The following JAML variants were observed in gnomAD, a reference collection of about 807,000 sequenced individuals.
JAML encodes junction adhesion molecule like.
JAML carries 25 observed loss-of-function variants against 39.3 expected under a neutral mutation model. The observed-to-expected ratio is 0.64, with a 90% CI of 0.46 to 0.89. The LOEUF (loss-of-function observed/expected upper bound fraction) is 0.89, where lower values mean the gene tolerates loss of function less well. Ranked by LOEUF, JAML falls within the 40% of genes least tolerant of loss-of-function variation. The pLI is 0.00. For missense variants in JAML, 440 were observed against 486.9 expected, an observed-to-expected ratio of 0.90 and a Z score of 0.91; for synonymous variants, 162 against 179.2, an observed-to-expected ratio of 0.90 and a Z score of 0.77.
At chr11:118,223,954 T>C (rs902177439) in intron 1 of JAML, 1 of 152,180 alleles carries the variant, frequency 6.6e-6, no homozygotes, top group Non-Finnish European at 1.5e-5. Flanking sequence ...TAAGGACAAC[T>C]AACCACTGAG....
chr11:118,212,133 C>T (rs1949074213), intron 3 of JAML, among the ~76,000 whole-genome samples: 1 of 152,212 alleles, frequency 6.6e-6, no homozygotes, highest in Non-Finnish European at 1.5e-5. Context: ...CCATCAGCCC[C>T]TTAACTACTT....
chr11:118,203,069 GA>G, intron 6 of JAML: 1 of 476,078 alleles, frequency 2.1e-6, no homozygotes, highest in Non-Finnish European at 4.2e-6. Context: ...CACCTCCCTT[GA>G]AACCAAGTAT....
In JAML at chr11:118,210,732, T is replaced by A. The variant is rs747086029; in HGVS notation, c.199-20A>T. 1.6e-5 allele frequency: 26 copies of A among 1,603,538 alleles called. No individual in the cohort carries two copies. Among genetic ancestry groups the A allele is most frequent in the Non-Finnish European group, 2.1e-5 (24 of 1,170,560 alleles). The stretch of plus-strand genomic sequence containing the variant: ...TTCGTCCTGAAGGGCAAAACAGTGT[T>A]GGAGACAATCAAAAGAGGTGCCAGA... On this transcript the variant is annotated intron_variant, in intron 3 of 9. Coordinates refer to ENST00000356289, the MANE Select transcript of JAML (RefSeq NM_001098526.2).
chr11:118,212,789 T>C, intron 2 of JAML: 1 of 1,601,906 alleles, frequency 6.2e-7, no homozygotes, highest in Non-Finnish European at 8.5e-7. Flanking sequence ...GCTATCTGGC[T>C]CCCTCCTCCT....
At chr11:118,207,230 A>G (rs1349537186) in intron 4 of JAML, among the ~76,000 whole-genome samples, 2 of 152,246 alleles carry the variant, frequency 1.3e-5, no homozygotes, top group Non-Finnish European at 2.9e-5. Flanking sequence ...AATAATAACA[A>G]CTGAACATTC....
intron 5 of JAML, 49 bp from the exon 6 acceptor site, chr11:118,203,714 C>T (rs755813014): frequency 7.3e-6 from 11 of 1,506,496 alleles, no homozygotes; most frequent in Admixed American, 3.3e-5. Context: ...TGGAGTGGAG[C>T]GGGGAGCAGA....
In JAML at chr11:118,200,541, C is replaced by A. The variant is rs780675868; in HGVS notation, c.844G>T (p.Val282Phe). ...GGGAGCAGCAGGATTGTGGCACAGA[C>A]AATTCCCACAATGATCACCAACTGA... ...GNQLVIIVGI[V>F]CATILLLPVL... Residue 282 changes from valine (V) to phenylalanine (F), a missense_variant, in exon 7 of 10, where the codon GTC becomes TTC. Physicochemically the swap from Val to Phe is conservative, Grantham distance 50 (BLOSUM62 -1). Coordinates refer to ENST00000356289, the MANE Select transcript of JAML (RefSeq NM_001098526.2). 4 of 1,614,084 alleles carry A rather than the reference C, an allele frequency of 2.5e-6. No homozygotes were observed. Among genetic ancestry groups the A allele is most frequent in the East Asian group, 2.2e-5 (1 of 44,874 alleles).
intron 1 of JAML, among the ~76,000 whole-genome samples, chr11:118,218,533 G>C (rs758286346): frequency 3.3e-5 from 5 of 152,128 alleles, no homozygotes; most frequent in Non-Finnish European, 5.9e-5. Flanking sequence ...ATGAAGCCAA[G>C]AGCCATGCCC....
At chr11:118,212,807 C>T in intron 2 of JAML, 1 of 1,612,512 alleles carries the variant, frequency 6.2e-7, no homozygotes. Flanking sequence ...CCTATCCAGC[C>T]CCTTACACTT....
intron 6 of JAML, chr11:118,203,203 C>A: frequency 1.5e-6 from 1 of 684,418 alleles, no homozygotes; most frequent in Non-Finnish European, 2.7e-6. Flanking sequence ...CTCCCCTCCC[C>A]TTGGCCTAGC....
Position 118,212,533 on chromosome 11 carries a change from A to T in JAML, c.72T>A (p.Asn24Lys), listed in dbSNP as rs1184059714. 1.9e-6 allele frequency: 3 copies of T among 1,614,164 alleles called. No homozygotes were observed. The highest frequency in any genetic ancestry group is 3.3e-5 in the Admixed American group (2 of 60,030). ...GGACTGTTAGCTCAGGCGGGGAAAC[A>T]TTCAAGTCATTCAGGCCCAAGGAAT... ...LDYSLGLNDL[N>K]VSPPELTVHV... Residue 24 changes from asparagine (N) to lysine (K), a missense_variant, in exon 3 of 10, where the codon AAT (asparagine) becomes AAA (lysine). Coordinates refer to ENST00000356289, the MANE Select transcript of JAML (RefSeq NM_001098526.2).
intron 4 of JAML, among the ~76,000 whole-genome samples, chr11:118,209,492 A>G (rs945149375): frequency 2.0e-5 from 3 of 152,132 alleles, no homozygotes; most frequent in Non-Finnish European, 2.9e-5. Context: ...TAAAGTGCAA[A>G]GAAGAGTTAG....
At chr11:118,212,977 G>C in intron 2 of JAML, 1 of 1,613,218 alleles carries the variant, frequency 6.2e-7, no homozygotes, top group East Asian at 2.2e-5. Flanking sequence ...CTCTGAAAAG[G>C]GACCTTTTGT....
At chr11:118,212,672 T>G in intron 2 of JAML, 111 bp from the exon 3 acceptor site, 1 of 1,516,724 alleles carries the variant, frequency 6.6e-7, no homozygotes, top group Non-Finnish European at 8.8e-7. Context: ...TGATCCAACA[T>G]AGACAAAGTC....
At chr11:118,223,819 G>A (rs1273776212) in intron 1 of JAML, among the ~76,000 whole-genome samples, 1 of 152,058 alleles carries the variant, frequency 6.6e-6, no homozygotes, top group African/African-American at 2.4e-5. Flanking sequence ...TTACAGAAAA[G>A]AAATCTTCAG....
In JAML at chr11:118,222,607, A is replaced by C. The variant is rs73594572; in HGVS notation, c.-21+2334T>G. On this transcript the variant is annotated intron_variant, in intron 1 of 9. Coordinates refer to ENST00000356289, the MANE Select transcript of JAML (RefSeq NM_001098526.2). The surrounding 1 kb of genome is among the most constrained non-coding windows in gnomAD (Gnocchi z 4.2). ...TTTATCAGAAAAAATTGAAACTTTA[A>C]TCTCTTTTAGGTCACGTGACTCTAA... 3.6e-3 allele frequency among the ~76,000 whole-genome samples: 552 copies of C among 152,356 alleles called. 5 individuals carry two copies. The highest frequency in any genetic ancestry group is 0.012 in the African/African-American group (515 of 41,582).
chr11:118,203,840 T>C, intron 5 of JAML, 175 bp from the exon 6 acceptor site: 1 of 601,134 alleles, frequency 1.7e-6, no homozygotes, highest in Non-Finnish European at 3.0e-6. Context: ...TGTGCATGCG[T>C]GTGTACTTGT....
intron 3 of JAML, 96 bp downstream of exon 3, chr11:118,212,311 C>G: frequency 1.4e-6 from 2 of 1,467,772 alleles, no homozygotes; most frequent in Non-Finnish European, 1.8e-6. Context: ...CTTGCAACAC[C>G]TCCTGGTGGC....
intron 4 of JAML, among the ~76,000 whole-genome samples, chr11:118,206,716 G>C (rs573407965): frequency 1.3e-3 from 195 of 152,110 alleles, no homozygotes; most frequent in African/African-American, 4.6e-3. Flanking sequence ...CCCTGCTTCT[G>C]GCTTTCCACC....
Sources: allele counts gnomAD v4.1 joint callset (sites outside exome capture counted in the v4.1 genomes callset), GRCh38; gene constraint gnomAD v4.1.1; non-coding constraint Gnocchi (gnomAD v3.1); transcripts MANE v1.5; gene names NCBI Gene and HGNC (gene_info 2026-07-23, HGNC 2026-07-21).